Variants in SHKBP1 observed in about 807,000 individuals in gnomAD.
SHKBP1 encodes SH3KBP1-binding protein 1.
In SHKBP1, 71 loss-of-function variants were observed where a neutral mutation model predicts 83.9. The observed-to-expected ratio is 0.85, with a 90% CI of 0.70 to 1.03. The LOEUF (loss-of-function observed/expected upper bound fraction) is 1.03. Ranked by LOEUF, SHKBP1 falls within the 50% of genes least tolerant of loss-of-function variation. The pLI, the probability that SHKBP1 is intolerant of heterozygous loss-of-function variation, is 0.00. For synonymous variants in SHKBP1, 371 were observed against 398.0 expected, an observed-to-expected ratio of 0.93 and a Z score of 0.81; for missense variants, 824 against 982.4, an observed-to-expected ratio of 0.84 and a Z score of 2.16.
intron 11 of SHKBP1, 26 bp downstream of exon 11, chr19:40,583,511 G>A: frequency 1.9e-6 from 3 of 1,612,530 alleles, no homozygotes; most frequent in Non-Finnish European, 2.5e-6. Flanking sequence ...TGTCCCGGGT[G>A]CCCGAGACCC....
intron 15 of SHKBP1, among the ~76,000 whole-genome samples, chr19:40,589,797 C>T (rs1231426451): frequency 6.6e-6 from 1 of 152,044 alleles, no homozygotes; most frequent in African/African-American, 2.4e-5. Context: ...GACACGTGGG[C>T]TCCTGGGCTG....
intron 6 of SHKBP1, among the ~76,000 whole-genome samples, chr19:40,579,124 A>G (rs2081246783): frequency 6.9e-6 from 1 of 145,624 alleles, no homozygotes; most frequent in African/African-American, 2.7e-5. Flanking sequence ...TATTTATTTA[A>G]TTTTATGAGA....
Position 40,590,336 on chromosome 19 carries a change from G to GGC in SHKBP1, c.1685_1686dup (p.Tyr563AlafsTer17). On this transcript the variant is annotated frameshift_variant, in exon 16 of 18. Coordinates refer to ENST00000291842, the MANE Select transcript of SHKBP1 (RefSeq NM_138392.4). LOFTEE classifies it high-confidence loss of function. This position sits in a 1 kb window ranked among gnomAD's most constrained non-coding sequence, Gnocchi z 4.6. ...TCCCGGCGGCTCGGCTCTCGGCCCC[G>GGC]GCGCTACCTGCTCACTGGCCAGGCC... is the stretch of plus-strand genomic sequence containing the variant. 1 of 1,611,512 alleles carries GGC rather than the reference G, an allele frequency of 6.2e-7. No individual in the cohort carries two copies. Among genetic ancestry groups the GGC allele is most frequent in the Non-Finnish European group, 8.5e-7 (1 of 1,179,270 alleles).
chr19:40,578,343 C>A (rs1034346447), intron 5 of SHKBP1, 119 bp from the exon 6 acceptor site: 15 of 1,461,588 alleles, frequency 1.0e-5, no homozygotes, highest in Non-Finnish European at 1.4e-5. Context: ...TGGCCCTGGC[C>A]GGGTCTGTAT....
intron 1 of SHKBP1, 112 bp from the exon 2 acceptor site, chr19:40,577,119 G>T: frequency 1.5e-6 from 2 of 1,375,622 alleles, no homozygotes; most frequent in Non-Finnish European, 2.0e-6. Flanking sequence ...CGAGATTCTG[G>T]AAAAACGCCG....
chr19:40,578,116 C>T (rs1386885556), intron 4 of SHKBP1, 38 bp from the exon 5 acceptor site: 2 of 1,566,528 alleles, frequency 1.3e-6, no homozygotes, highest in East Asian at 4.5e-5. Context: ...TTCACCCCCA[C>T]ACCTAGACCC....
chr19:40,586,752 C>G, intron 12 of SHKBP1, 22 bp from the exon 13 acceptor site: 1 of 1,540,622 alleles, frequency 6.5e-7, no homozygotes, highest in Non-Finnish European at 8.8e-7. Flanking sequence ...AGGCCCTCTC[C>G]TCATCCTTGG....
Position 40,591,002 on chromosome 19 carries a change from CCTT to C in SHKBP1, c.1920_1922del (p.Leu641del). The C allele has an allele frequency of 4.3e-6, 7 of 1,610,480 alleles. No individual in the cohort carries two copies. Among genetic ancestry groups the C allele is most frequent in the Non-Finnish European group, 5.9e-6 (7 of 1,177,244 alleles). On this transcript the variant is annotated inframe_deletion, in exon 18 of 18. Transcript: ENST00000291842. ...CTCCACTCAGCCTCCAGCAACACCT[CCTT>C]GTCTGGCCACCGTGGGAGCCCAAGC... is the stretch of plus-strand genomic sequence containing the variant.
rs750355232 is a variant in SHKBP1 at position 40,588,647 on chromosome 19, C to T, written c.1360C>T (p.Arg454Trp). The T allele has an allele frequency of 6.2e-7, 1 of 1,614,180 alleles. No individual in the cohort carries two copies. Among genetic ancestry groups the T allele is most frequent in the Non-Finnish European group, 8.5e-7 (1 of 1,180,038 alleles). Reference sequence around the variant, plus strand: ...AGTCTGTGCCGACAACAACCACGTGCGGACATGGTCTGTGACTCGCTTCCG... The same window carrying T: ...AGTCTGTGCCGACAACAACCACGTGTGGACATGGTCTGTGACTCGCTTCCG... ...ISVCADNNHV[R>W]TWSVTRFRGM... is the part of the protein sequence containing the mutation. The change falls in exon 14 of 18, where the codon CGG becomes TGG. Residue 454 changes from arginine to tryptophan, a missense_variant. Physicochemically the swap from Arg to Trp is moderately radical, Grantham distance 101. Around this residue, in one of 3 missense-constraint regions of SHKBP1, gnomAD observed 182 missense variants for 273.1 expected, o/e 0.67. Transcript: ENST00000291842.
intron 3 of SHKBP1, 40 bp downstream of exon 3, chr19:40,577,481 GTT>G: frequency 1.9e-6 from 3 of 1,613,872 alleles, no homozygotes; most frequent in Non-Finnish European, 2.5e-6. Context: ...GGGGGGAGGG[GTT>G]GGTAGGAAGA....
intron 9 of SHKBP1, among the ~76,000 whole-genome samples, chr19:40,581,741 G>A (rs1219988466): frequency 2.0e-5 from 3 of 151,964 alleles, no homozygotes; most frequent in East Asian, 1.9e-4. Context: ...AACAAATCTC[G>A]GACTTATTAA....
intron 4 of SHKBP1, 196 bp from the exon 5 acceptor site, chr19:40,577,957 AC>A (rs2081233656): frequency 1.7e-6 from 1 of 601,356 alleles, no homozygotes; most frequent in African/African-American, 2.1e-5. Context: ...CTACACACAC[AC>A]ACACACACAC....
Position 40,583,489 on chromosome 19 carries a change from A to G in SHKBP1, c.1048+4A>G, listed in dbSNP as rs2081286835. On this transcript the variant is annotated splice_donor_region_variant and intron_variant, in intron 11 of 17. Transcript: ENST00000291842. The stretch of plus-strand genomic sequence containing the variant: ...AACGGCTCCATTTACTACGTGGGTG[A>G]GCAGCAGCCTGTGTCCCGGGTGCCC... 6.2e-7 allele frequency: 1 copy of G among 1,612,544 alleles called. No individual in the cohort carries two copies. Among genetic ancestry groups the G allele is most frequent in the South Asian group, 1.1e-5 (1 of 90,962 alleles).
At position 40,590,409 on chromosome 19, in the gene SHKBP1, C is replaced by T. The variant is rs370486478; in HGVS notation, c.1755C>T (p.Leu585=). 8.1e-6 allele frequency: 13 copies of T among 1,606,942 alleles called. No individual in the cohort carries two copies. Among genetic ancestry groups the T allele is most frequent in the Admixed American group, 3.4e-5 (2 of 59,600 alleles). ...MWDLTTAMDG[L]GQAPAGGLTE... ...ACCTAACCACCGCCATGGACGGCCT[C>T]GGCCAGGCCCCTGGTACTCCCTGCC... Residue 585 remains leucine, a synonymous_variant, in exon 16 of 18, where the codon CTC becomes CTT. Coordinates refer to ENST00000291842, the MANE Select transcript of SHKBP1 (RefSeq NM_138392.4). This position sits in a 1 kb window ranked among gnomAD's most constrained non-coding sequence, Gnocchi z 4.6.
chr19:40,582,480 C>T lies in SHKBP1; in HGVS notation c.960+14C>T, dbSNP rs1438941199. The T allele has an allele frequency of 1.9e-6, 3 of 1,609,932 alleles. No individual in the cohort carries two copies. The African/African-American group carries it at 4.0e-5, about 22-fold the overall frequency. On this transcript the variant is annotated intron_variant, in intron 10 of 17. Coordinates refer to ENST00000291842, the MANE Select transcript of SHKBP1 (RefSeq NM_138392.4). ...AAGCACTGGCAGGTCAGAGTTCTGGCCAGCCTGGCTGCCCCCTTCCCAGTT... is the reference window on the plus strand; with the variant it reads ...AAGCACTGGCAGGTCAGAGTTCTGGTCAGCCTGGCTGCCCCCTTCCCAGTT...
rs187376962 is a variant in SHKBP1, at chr19:40,578,335, G to A, written c.319+123G>A. The A allele has an allele frequency of 6.6e-5, 96 of 1,454,012 alleles. No homozygotes were observed. The African/African-American group carries it at 1.3e-3, about 19-fold the overall frequency. 90.1% of individuals were successfully genotyped at this position (1,454,012 alleles called of 1,614,324 possible). On this transcript the variant is annotated intron_variant, in intron 5 of 17. Coordinates refer to ENST00000291842, the MANE Select transcript of SHKBP1 (RefSeq NM_138392.4). The stretch of plus-strand genomic sequence containing the variant: ...GGTAGAGGTGGGAGGACTGGTTATG[G>A]CCCTGGCCGGGTCTGTATTCGTACT...
chr19:40,576,981 A>G lies in SHKBP1; in HGVS notation c.82A>G (p.Lys28Glu). 1 of 1,518,284 alleles carries G rather than the reference A, an allele frequency of 6.6e-7. No individual in the cohort carries two copies. The highest frequency in any genetic ancestry group is 8.8e-7 in the Non-Finnish European group (1 of 1,135,362). The allele number at this position is 1,518,284 out of a possible 1,614,324, so 94.1% of individuals were successfully genotyped here. ...GEVIHLNVGG[K>E]RFSTSRQTLT... Reference sequence around the variant, plus strand: ...AGTCATTCATCTGAATGTGGGAGGCAAGAGGTGAGTGTGGGAGACTCCTGA... The same window carrying G: ...AGTCATTCATCTGAATGTGGGAGGCGAGAGGTGAGTGTGGGAGACTCCTGA... The change falls in exon 1 of 18, where the codon AAG (lysine) becomes GAG (glutamate). Residue 28 changes from lysine to glutamate, a missense_variant. By Grantham distance (56) the Lys-to-Glu change is moderately conservative. Transcript: ENST00000291842.
At chr19:40,578,616 C>T (rs1010429742) in intron 6 of SHKBP1, 74 bp downstream of exon 6, 4 of 1,379,484 alleles carry the variant, frequency 2.9e-6, no homozygotes, top group Middle Eastern at 2.0e-4. Context: ...CTGCAGCTCT[C>T]GGGTGCCTGT....
At position 40,577,228 on chromosome 19, in the gene SHKBP1, C is replaced by T. The variant is rs200813267; in HGVS notation, c.87-3C>T. The stretch of plus-strand genomic sequence containing the variant: ...CTTGCGTCCGTTTACCTTCCCCGCC[C>T]AGATTCAGTACCTCTCGCCAGACTC... On this transcript the variant is annotated splice_polypyrimidine_tract_variant and splice_region_variant and intron_variant, in intron 1 of 17. Coordinates refer to ENST00000291842, the MANE Select transcript of SHKBP1 (RefSeq NM_138392.4). 1 of 1,613,424 alleles carries T rather than the reference C, an allele frequency of 6.2e-7. No individual in the cohort carries two copies. The highest frequency in any genetic ancestry group is 1.3e-5 in the African/African-American group (1 of 74,998).
Sources: allele counts gnomAD v4.1 joint callset (sites outside exome capture counted in the v4.1 genomes callset), GRCh38; gene constraint gnomAD v4.1.1; regional missense constraint gnomAD v4.1.1; non-coding constraint Gnocchi (gnomAD v3.1); transcripts MANE v1.5; gene names NCBI Gene and HGNC (gene_info 2026-07-23, HGNC 2026-07-21).